The following C1D variants were observed in gnomAD, a reference collection of about 807,000 sequenced individuals.
C1D encodes nuclear nucleic acid-binding protein C1D.
Under a neutral mutation model 17.5 loss-of-function variants are expected in C1D, and 10 were observed. That is an observed-to-expected ratio of 0.57 (90% CI 0.35 to 0.97). The LOEUF is 0.97. Ranked by LOEUF, C1D falls within the 50% of genes least tolerant of loss-of-function variation. The pLI, the probability that C1D is intolerant of heterozygous loss-of-function variation, is 0.01. For missense variants in C1D, 136 were observed against 160.1 expected, an observed-to-expected ratio of 0.85 and a Z score of 0.81; for synonymous variants, 49 against 54.0, an observed-to-expected ratio of 0.91 and a Z score of 0.40.
intron 2 of C1D, 77 bp downstream of exon 2, chr2:68,047,096 T>C (rs1671147950): frequency 7.4e-7 from 1 of 1,358,226 alleles, no homozygotes; most frequent in African/African-American, 1.5e-5. Context: ...ATTAATCTGT[T>C]TCTTCTTCCA....
intron 1 of C1D, among the ~76,000 whole-genome samples, chr2:68,059,662 T>C (rs1671563350): frequency 6.6e-6 from 1 of 152,208 alleles, no homozygotes; most frequent in Admixed American, 6.5e-5. Flanking sequence ...CAGCTGCACC[T>C]GACAAAACTG....
chr2:68,053,079 C>G, intron 1 of C1D: 5 of 1,550,750 alleles, frequency 3.2e-6, no homozygotes, highest in Non-Finnish European at 3.5e-6. Flanking sequence ...GCTCCTCACC[C>G]TCCTCCGGGG....
rs1034320030 is a variant in C1D at position 68,041,518 on chromosome 2, T to A, written c.*1371A>T. 5.3e-5 allele frequency: 8 copies of A among 151,730 alleles called. No individual in the cohort carries two copies. Among genetic ancestry groups the A allele is most frequent in the African/African-American group, 1.9e-4 (8 of 41,348 alleles). 9.4% of individuals were successfully genotyped at this position (151,730 alleles called of 1,614,324 possible). A position where few individuals can be genotyped will look rare whatever the true frequency, so the allele number is the denominator to read the frequency against. On this transcript the variant is annotated 3_prime_UTR_variant, in exon 5 of 5. Coordinates refer to ENST00000410067, the MANE Select transcript of C1D (RefSeq NM_173177.3). ...TTGGAGACAAAGGCAAAAAAAGGAG[T>A]AAAATAACTATAAATGTTCACTAAT... is the stretch of plus-strand genomic sequence containing the variant.
At chr2:68,046,158 A>C (rs1346783060) in intron 3 of C1D, 115 bp from the exon 4 acceptor site, 1 of 866,354 alleles carries the variant, frequency 1.2e-6, no homozygotes, top group Non-Finnish European at 1.8e-6. Context: ...TTAAACTTTA[A>C]ATTATTCAAT....
intron 1 of C1D, among the ~76,000 whole-genome samples, chr2:68,050,567 T>TTCTCCGTTC (rs934662995): frequency 3.9e-5 from 6 of 152,300 alleles, no homozygotes; most frequent in Non-Finnish European, 7.3e-5. Flanking sequence ...TCTCTTGGTT[T>TTCTCCGTTC]TCTCCGTTTC....
At position 68,042,841 on chromosome 2, in the gene C1D, G is replaced by T. The variant is rs748489489; in HGVS notation, c.*48C>A. On this transcript the variant is annotated 3_prime_UTR_variant, in exon 5 of 5. Coordinates refer to ENST00000410067, the MANE Select transcript of C1D (RefSeq NM_173177.3). ...AGAATTATTTTGCGGGGGGGGGGGG[G>T]GGGGGGAAGATGTACTTTTTGAATA... 1.0e-4 allele frequency: 37 copies of T among 368,352 alleles called. 7 individuals are homozygous for T. The highest frequency in any genetic ancestry group is 1.6e-3 in the Middle Eastern group (2 of 1,258). The allele number at this position is 368,352 out of a possible 1,614,324, so 22.8% of individuals were successfully genotyped here.
At chr2:68,050,369 C>A (rs568283317) in intron 1 of C1D, among the ~76,000 whole-genome samples, 14 of 152,078 alleles carry the variant, frequency 9.2e-5, no homozygotes, top group Non-Finnish European at 1.6e-4. Flanking sequence ...TCTTTTACAA[C>A]AAACTCCTCA....
intron 1 of C1D, chr2:68,053,395 G>T (rs1671343949): frequency 3.5e-6 from 2 of 579,436 alleles, no homozygotes; most frequent in Non-Finnish European, 5.6e-6. Flanking sequence ...CCACTTCAGG[G>T]TGGCCAATCC....
Position 68,046,011 on chromosome 2 carries a change from C to G in C1D, c.238G>C (p.Glu80Gln), listed in dbSNP as rs146740392. The G allele has an allele frequency of 4.4e-6, 7 of 1,589,934 alleles. No individual in the cohort carries two copies. The highest frequency in any genetic ancestry group is 5.1e-6 in the Non-Finnish European group (6 of 1,168,360). ...YLATQGVNPK[E>Q]HPVKQELERI... Reference sequence around the variant, plus strand: ...ACCAATTCCTGTTTTACTGGATGTTCCTTAGGATTAACTCCTTGGGTTGCC... The same window carrying G: ...ACCAATTCCTGTTTTACTGGATGTTGCTTAGGATTAACTCCTTGGGTTGCC... The change falls in exon 4 of 5, where the codon GAA (glutamate) becomes CAA (glutamine). Residue 80 changes from glutamate (E) to glutamine (Q), a missense_variant. Transcript: ENST00000410067.
At position 68,042,828 on chromosome 2, in the gene C1D, CGGGGGG is replaced by C. The variant is rs200836844; in HGVS notation, c.*55_*60del. On this transcript the variant is annotated 3_prime_UTR_variant, in exon 5 of 5. Coordinates refer to ENST00000410067, the MANE Select transcript of C1D (RefSeq NM_173177.3). ...CTTGCCCTGCCACAGAATTATTTTG[CGGGGGG>C]GGGGGGGGGGGGGAAGATGTACTTT... 101,557 of 205,230 alleles carry C rather than the reference CGGGGGG, an allele frequency of 0.49. 30,727 individuals carry two copies. The highest frequency in any genetic ancestry group is 0.72 in the East Asian group (12,411 of 17,172). 12.7% of individuals were successfully genotyped at this position (205,230 alleles called of 1,614,324 possible).
At chr2:68,053,958 C>T (rs1305568872) in intron 1 of C1D, among the ~76,000 whole-genome samples, 1 of 152,212 alleles carries the variant, frequency 6.6e-6, no homozygotes, top group East Asian at 1.9e-4. Context: ...TGGACAAATA[C>T]AACAACTATA....
intron 1 of C1D, among the ~76,000 whole-genome samples, chr2:68,053,889 T>C (rs749204638): frequency 2.8e-4 from 42 of 152,210 alleles, no homozygotes; most frequent in Non-Finnish European, 5.0e-4. Context: ...AGGTAAAAAA[T>C]AGGTTCCAGT....
rs779681720 is a variant in C1D, at chr2:68,046,425, A to C, written c.139-15T>G. ...AGTGGATCCAACTGTTAAAAAAGAA[A>C]GAGAGAGGGAAAGAGAGAAAGTGAG... On this transcript the variant is annotated splice_polypyrimidine_tract_variant and intron_variant, in intron 2 of 4. Transcript: ENST00000410067. 4.4e-6 allele frequency: 7 copies of C among 1,590,178 alleles called. No homozygotes were observed. Among genetic ancestry groups the C allele is most frequent in the Non-Finnish European group, 6.0e-6 (7 of 1,160,792 alleles).
intron 1 of C1D, 43 bp from the exon 2 acceptor site, chr2:68,047,362 C>A: frequency 1.3e-6 from 2 of 1,510,910 alleles, no homozygotes; most frequent in South Asian, 1.3e-5. Flanking sequence ...AGAGACAGAG[C>A]TTGTTCTTTA....
chr2:68,050,598 T>C (rs1306663431), intron 1 of C1D, among the ~76,000 whole-genome samples: 1 of 152,186 alleles, frequency 6.6e-6, no homozygotes, highest in Admixed American at 6.5e-5. Context: ...CACTGGCTCC[T>C]TTCTTGGTCT....
intron 1 of C1D, among the ~76,000 whole-genome samples, chr2:68,062,344 AT>A (rs373047008): frequency 4.1e-4 from 63 of 152,362 alleles, no homozygotes; most frequent in African/African-American, 1.4e-3. Context: ...GTCAGCAAAC[AT>A]TGAGGACATT....
At chr2:68,055,987 G>A (rs1051976499) in intron 1 of C1D, among the ~76,000 whole-genome samples, 2 of 152,162 alleles carry the variant, frequency 1.3e-5, no homozygotes, top group African/African-American at 4.8e-5. Flanking sequence ...AATATAACTG[G>A]AGTGAGGGAG....
Position 68,042,025 on chromosome 2 carries a change from G to C in C1D, c.*864C>G, listed in dbSNP as rs1316303725. Reference sequence around the variant, plus strand: ...TGTTCCAAAACACTTGTATGTACTTGATACAGCCTCAAAAACATGAAATAA... The same window carrying C: ...TGTTCCAAAACACTTGTATGTACTTCATACAGCCTCAAAAACATGAAATAA... On this transcript the variant is annotated 3_prime_UTR_variant, in exon 5 of 5. Transcript: ENST00000410067. The C allele has an allele frequency of 6.6e-6, 1 of 151,724 alleles. No individual in the cohort carries two copies. 9.4% of individuals were successfully genotyped at this position (151,724 alleles called of 1,614,324 possible).
intron 1 of C1D, among the ~76,000 whole-genome samples, chr2:68,048,401 G>C (rs1671195208): frequency 6.6e-6 from 1 of 152,246 alleles, no homozygotes; most frequent in Admixed American, 6.5e-5. Flanking sequence ...TTTCTGTCTT[G>C]ATCACTGACT....
Sources: allele counts gnomAD v4.1 joint callset (sites outside exome capture counted in the v4.1 genomes callset), GRCh38; gene constraint gnomAD v4.1.1; transcripts MANE v1.5; gene names NCBI Gene and HGNC (gene_info 2026-07-23, HGNC 2026-07-21).